Variants in ARHGAP20 observed in about 807,000 individuals in gnomAD.
The protein encoded by ARHGAP20 is Rho GTPase activating protein 20.
In ARHGAP20, 34 loss-of-function variants were observed where a neutral mutation model predicts 73.7. The ratio of observed to expected loss-of-function variants is 0.46; its 90% CI spans 0.35 to 0.61. The LOEUF (loss-of-function observed/expected upper bound fraction) is 0.61. Among genes scored for constraint, ARHGAP20 ranks in the 20% least tolerant of loss-of-function variants. ARHGAP20 has a pLI of 0.00. For synonymous variants in ARHGAP20, 523 were observed against 518.2 expected, an observed-to-expected ratio of 1.01 and a Z score of -0.13; for missense variants, 1,314 against 1,420.9, an observed-to-expected ratio of 0.92 and a Z score of 1.21.
rs1198519081 is a variant in ARHGAP20 at position 110,580,502 on chromosome 11, G to C, written c.2444C>G (p.Ser815Cys). 1.2e-6 allele frequency: 2 copies of C among 1,614,134 alleles called. No individual in the cohort carries two copies. Among genetic ancestry groups the C allele is most frequent in the South Asian group, 1.1e-5 (1 of 91,078 alleles). The change falls in exon 15 of 15, where the codon TCC (serine) becomes TGC (cysteine). Residue 815 changes from serine to cysteine, a missense_variant. Coordinates refer to ENST00000683387, the MANE Select transcript of ARHGAP20 (RefSeq NM_001384657.1). ...ATTCACATCAAAGGGCTGGTTCTTG[G>C]AATGATCCTGTGAGGACATAGGACT... ...SYSPMSSQDH[S>C]KNQPFDVNTS...
chr11:110,590,916 G>A, intron 10 of ARHGAP20, 107 bp from the exon 11 acceptor site: 2 of 1,131,254 alleles, frequency 1.8e-6, no homozygotes, highest in Non-Finnish European at 2.4e-6. Flanking sequence ...TAGGGTAAAA[G>A]CACTGAAGGA....
At chr11:110,629,208 T>C (rs574324389) in intron 3 of ARHGAP20, among the ~76,000 whole-genome samples, 2 of 152,216 alleles carry the variant, frequency 1.3e-5, no homozygotes, top group African/African-American at 4.8e-5. Context: ...TACTGTGTGC[T>C]AAAAAATATA....
intron 9 of ARHGAP20, among the ~76,000 whole-genome samples, chr11:110,597,119 G>A (rs1336220045): frequency 3.7e-5 from 5 of 135,890 alleles, no homozygotes; most frequent in African/African-American, 8.0e-5. Context: ...GAAGGGGAAC[G>A]TCACACACCG....
chr11:110,697,868 A>G (rs1950367165), intron 1 of ARHGAP20, among the ~76,000 whole-genome samples: 1 of 151,340 alleles, frequency 6.6e-6, no homozygotes, highest in Non-Finnish European at 1.5e-5. Flanking sequence ...ATGACTCTGG[A>G]TATGTTCTGT....
intron 2 of ARHGAP20, among the ~76,000 whole-genome samples, chr11:110,650,226 G>A (rs766681952): frequency 2.0e-5 from 3 of 152,058 alleles, no homozygotes; most frequent in African/African-American, 2.4e-5. Context: ...AGTATGTATC[G>A]AGGTAGGATG....
chr11:110,655,657 A>C (rs1321356856), intron 2 of ARHGAP20, among the ~76,000 whole-genome samples: 1 of 152,160 alleles, frequency 6.6e-6, no homozygotes, highest in Non-Finnish European at 1.5e-5. Flanking sequence ...AGATACTGTC[A>C]GGGTTAGTGA....
intron 2 of ARHGAP20, among the ~76,000 whole-genome samples, chr11:110,687,698 T>A (rs1950163572): frequency 6.6e-6 from 1 of 152,170 alleles, no homozygotes; most frequent in African/African-American, 2.4e-5. Flanking sequence ...TTCACAGGTA[T>A]TTTTAAAAAG....
At chr11:110,605,188 C>T (rs533329978) in intron 9 of ARHGAP20, among the ~76,000 whole-genome samples, 6 of 152,156 alleles carry the variant, frequency 3.9e-5, no homozygotes, top group South Asian at 4.2e-4. Context: ...AAGATGGACA[C>T]GGGGACTAAC....
At chr11:110,676,680 T>A (rs551939454) in intron 2 of ARHGAP20, among the ~76,000 whole-genome samples, 9 of 152,184 alleles carry the variant, frequency 5.9e-5, no homozygotes, top group Admixed American at 1.3e-4. Flanking sequence ...TAAACCAAAA[T>A]TTTTTTTGTA....
At chr11:110,687,297 C>G (rs889422455) in intron 2 of ARHGAP20, among the ~76,000 whole-genome samples, 2 of 151,852 alleles carry the variant, frequency 1.3e-5, no homozygotes, top group African/African-American at 4.8e-5. Flanking sequence ...CTCCTCCCAC[C>G]CTGGCATACC....
chr11:110,586,974 C>G (rs1947685529), intron 11 of ARHGAP20, among the ~76,000 whole-genome samples: 1 of 152,156 alleles, frequency 6.6e-6, no homozygotes, highest in South Asian at 2.1e-4. Flanking sequence ...AGGCAGCACA[C>G]TCATGCCTGA....
intron 2 of ARHGAP20, among the ~76,000 whole-genome samples, chr11:110,689,648 G>A (rs922394097): frequency 6.6e-6 from 1 of 152,058 alleles, no homozygotes. Context: ...AAGGCTCCCC[G>A]CAACACACAC....
chr11:110,597,141 G>T (rs1208923071), intron 9 of ARHGAP20, among the ~76,000 whole-genome samples: 2 of 133,230 alleles, frequency 1.5e-5, no homozygotes, highest in Non-Finnish European at 3.2e-5. Flanking sequence ...GGACCGTTGT[G>T]GGGTGGGGGG....
intron 2 of ARHGAP20, among the ~76,000 whole-genome samples, chr11:110,660,693 C>T (rs1380044656): frequency 6.6e-6 from 1 of 152,174 alleles, no homozygotes; most frequent in Non-Finnish European, 1.5e-5. Context: ...AAAGAGGTTA[C>T]TCACATTCTC....
chr11:110,586,067 T>C, intron 12 of ARHGAP20, 149 bp downstream of exon 12: 1 of 410,640 alleles, frequency 2.4e-6, no homozygotes, highest in Non-Finnish European at 4.3e-6. Flanking sequence ...ACTATAAGAT[T>C]AAGAAGGAAA....
chr11:110,596,569 T>C (rs1393790878), intron 9 of ARHGAP20, among the ~76,000 whole-genome samples: 1 of 151,946 alleles, frequency 6.6e-6, no homozygotes, highest in Non-Finnish European at 1.5e-5. Flanking sequence ...ATCAGAGAAA[T>C]GCAAATCAAA....
rs761221281 is a variant in ARHGAP20, at chr11:110,630,770, C to T, written c.211G>A (p.Asp71Asn). The T allele has an allele frequency of 1.2e-6, 2 of 1,613,840 alleles. No homozygotes were observed. Among genetic ancestry groups the T allele is most frequent in the South Asian group, 2.2e-5 (2 of 91,036 alleles). ...AATGATGACAGAAATGTGCATGTGT[C>T]AACACTAGCAGAAGGACTGTCCCTG... ...TTRDSPSASV[D>N]TCTFLSSLVC... The change falls in exon 3 of 15, where the codon GAC becomes AAC. Residue 71 changes from aspartate to asparagine, a missense_variant. This residue lies in a region of ARHGAP20 where 443 missense variants were observed against 466.4 expected (regional missense o/e 0.95). Transcript: ENST00000683387.
intron 12 of ARHGAP20, among the ~76,000 whole-genome samples, chr11:110,586,014 A>G (rs935648598): frequency 1.3e-5 from 2 of 152,182 alleles, no homozygotes; most frequent in African/African-American, 4.8e-5. Context: ...TATCAGATTC[A>G]GGTATATGGA....
At chr11:110,672,781 G>A (rs1303295115) in intron 2 of ARHGAP20, among the ~76,000 whole-genome samples, 4 of 152,174 alleles carry the variant, frequency 2.6e-5, no homozygotes, top group African/African-American at 9.7e-5. Context: ...ATCGTTGATA[G>A]GTATGTTAAA....
Sources: gnomAD v4.1 joint callset for allele counts (sites outside exome capture counted in the v4.1 genomes callset) on GRCh38, gnomAD v4.1.1 for gene constraint, gnomAD v4.1.1 regional missense constraint, MANE v1.5 for transcripts, NCBI Gene and HGNC (gene_info 2026-07-23, HGNC 2026-07-21) for gene names.